Variants in NUBPL observed in about 807,000 individuals in gnomAD.
The protein encoded by NUBPL is NUBP iron-sulfur cluster assembly factor, mitochondrial.
Under a neutral mutation model 45.7 loss-of-function variants are expected in NUBPL, and 31 were observed. The observed-to-expected ratio is 0.68, with a 90% CI of 0.51 to 0.92. The LOEUF is 0.92. NUBPL is among the 40% of genes least tolerant of loss of function. The probability of loss-of-function intolerance (pLI) is 0.00; values close to 1 mark genes in which losing one functional copy is unlikely to be tolerated. For missense variants in NUBPL, 401 were observed against 398.7 expected (o/e 1.01, Z -0.05); for synonymous variants, 144 against 140.9 (o/e 1.02, Z -0.15).
intron 6 of NUBPL, among the ~76,000 whole-genome samples, chr14:31,740,361 G>A (rs1250470725): frequency 2.0e-5 from 3 of 151,914 alleles, no homozygotes; most frequent in African/African-American, 7.3e-5. Flanking sequence ...GATATGTAGT[G>A]GTATCTTATT....
chr14:31,836,146 A>G (rs1343525518), intron 8 of NUBPL, among the ~76,000 whole-genome samples: 1 of 152,190 alleles, frequency 6.6e-6, no homozygotes, highest in Admixed American at 6.5e-5. Flanking sequence ...TCATATTTCA[A>G]GAGAATCAAT....
intron 6 of NUBPL, among the ~76,000 whole-genome samples, chr14:31,696,593 C>CGT (rs781319340): frequency 6.6e-6 from 1 of 151,712 alleles, no homozygotes; most frequent in Non-Finnish European, 1.5e-5. Flanking sequence ...GAAAAAAAAA[C>CGT]GTGTTCTCAA....
chr14:31,593,890 T>C (rs1595338173), intron 3 of NUBPL, among the ~76,000 whole-genome samples: 1 of 152,072 alleles, frequency 6.6e-6, no homozygotes, highest in East Asian at 1.9e-4. Context: ...GACAGTAATA[T>C]GTATGGAATA....
chr14:31,770,815 C>G (rs965866776), intron 6 of NUBPL, among the ~76,000 whole-genome samples: 1 of 152,174 alleles, frequency 6.6e-6, no homozygotes, highest in Admixed American at 6.5e-5. Context: ...TAGGTCAGAT[C>G]TTGTTCACTG....
intron 4 of NUBPL, among the ~76,000 whole-genome samples, chr14:31,651,411 A>G (rs2036000033): frequency 6.7e-6 from 1 of 150,282 alleles, no homozygotes; most frequent in Non-Finnish European, 1.5e-5. Flanking sequence ...CTCAAATTTT[A>G]TCTTAGGTTT....
At chr14:31,751,796 C>T (rs1438195286) in intron 6 of NUBPL, among the ~76,000 whole-genome samples, 2 of 152,180 alleles carry the variant, frequency 1.3e-5, no homozygotes, top group Non-Finnish European at 2.9e-5. Flanking sequence ...TCTGCATTGC[C>T]CTAGTAGAGG....
chr14:31,610,608 C>CAAAAAAAAAAA (rs775656176), intron 4 of NUBPL, among the ~76,000 whole-genome samples: 14 of 94,656 alleles, frequency 1.5e-4, no homozygotes, highest in East Asian at 6.3e-4. Flanking sequence ...AAAGATACAT[C>CAAAAAAAAAAA]AAAAAAAAAA....
Position 31,724,846 on chromosome 14 carries a change from A to T in NUBPL, c.513+51272A>T, listed in dbSNP as rs538557473. Among the ~76,000 whole-genome samples, 3 of 152,202 alleles carry T rather than the reference A, an allele frequency of 2.0e-5. No individual in the cohort carries two copies. The East Asian group carries it at 5.8e-4, about 29-fold the overall frequency. ...GATCCATGCTTTGGAAAAAAAGGCA[A>T]GATAAGACAATTGAGAATGATCAGG... On this transcript the variant is annotated intron_variant, in intron 6 of 10. Transcript: ENST00000281081.
intron 6 of NUBPL, among the ~76,000 whole-genome samples, chr14:31,760,027 C>T (rs2038764252): frequency 6.6e-6 from 1 of 151,418 alleles, no homozygotes; most frequent in Admixed American, 6.6e-5. Context: ...TAAGAAGCAT[C>T]TCTATACAGT....
intron 4 of NUBPL, among the ~76,000 whole-genome samples, chr14:31,661,528 A>G (rs1380778479): frequency 6.6e-6 from 1 of 152,108 alleles, no homozygotes; most frequent in Non-Finnish European, 1.5e-5. Flanking sequence ...CTATGCCAAC[A>G]TTTCATTTCT....
At chr14:31,821,047 C>T (rs1002029541) in intron 7 of NUBPL, among the ~76,000 whole-genome samples, 3 of 152,004 alleles carry the variant, frequency 2.0e-5, no homozygotes, top group African/African-American at 7.2e-5. Context: ...TGCTTGAACC[C>T]TGGAGGCGGA....
chr14:31,715,563 A>G (rs1190313049), intron 6 of NUBPL, among the ~76,000 whole-genome samples: 2 of 152,220 alleles, frequency 1.3e-5, no homozygotes, highest in Non-Finnish European at 2.9e-5. Flanking sequence ...TTGTAACACA[A>G]TGGTAAATAT....
chr14:31,625,000 A>G (rs10133316), intron 4 of NUBPL, among the ~76,000 whole-genome samples: 5,578 of 152,316 alleles, frequency 0.037, 136 homozygotes, highest in African/African-American at 0.077. Flanking sequence ...CCAAAATGGC[A>G]GTTGTGTTCA....
intron 6 of NUBPL, among the ~76,000 whole-genome samples, chr14:31,731,560 A>G (rs2038048555): frequency 6.6e-6 from 1 of 152,186 alleles, no homozygotes; most frequent in South Asian, 2.1e-4. Context: ...AGTATGTAAT[A>G]TTTGCCAGAT....
chr14:31,840,974 T>A (rs7156946), intron 8 of NUBPL, among the ~76,000 whole-genome samples: 1 of 152,250 alleles, frequency 6.6e-6, no homozygotes, highest in Non-Finnish European at 1.5e-5. Context: ...GTCCGGTTTA[T>A]TTTGTTTAAA....
chr14:31,732,118 C>T (rs886609405), intron 6 of NUBPL, among the ~76,000 whole-genome samples: 141 of 142,850 alleles, frequency 9.9e-4, no homozygotes, highest in Admixed American at 1.5e-3. Context: ...GGCGTGAACC[C>T]AGGAGGCAGA....
At position 31,585,012 on chromosome 14, in the gene NUBPL, G is replaced by A. The variant is rs183561379; in HGVS notation, c.292-14277G>A. Among the ~76,000 whole-genome samples the A allele has an allele frequency of 1.1e-3, 165 of 152,250 alleles. No individual in the cohort carries two copies. In the Middle Eastern group the frequency reaches 0.014, roughly 13 times the overall value. On this transcript the variant is annotated intron_variant, in intron 3 of 10. Coordinates refer to ENST00000281081, the MANE Select transcript of NUBPL (RefSeq NM_025152.3). ...CCCAGTGCTTTCACATTAGAGGTTAGGATTTCAACATACGAATTTTAGGGG... is the reference window on the plus strand; with the variant it reads ...CCCAGTGCTTTCACATTAGAGGTTAAGATTTCAACATACGAATTTTAGGGG...
At chr14:31,779,308 AG>A (rs1361540166) in intron 6 of NUBPL, among the ~76,000 whole-genome samples, 1 of 152,040 alleles carries the variant, frequency 6.6e-6, no homozygotes, top group African/African-American at 2.4e-5. Context: ...ATTGCACTCC[AG>A]CCTGGGCAAC....
chr14:31,830,780 A>T (rs1482825591), intron 8 of NUBPL, among the ~76,000 whole-genome samples: 3 of 152,150 alleles, frequency 2.0e-5, no homozygotes, highest in Non-Finnish European at 2.9e-5. Flanking sequence ...TCTGGGATGT[A>T]ATGCCATCCA....
Sources: allele counts gnomAD v4.1 joint callset (sites outside exome capture counted in the v4.1 genomes callset), GRCh38; gene constraint gnomAD v4.1.1; transcripts MANE v1.5; gene names NCBI Gene and HGNC (gene_info 2026-07-23, HGNC 2026-07-21).